Variants in PILRA observed in about 807,000 individuals in gnomAD.
PILRA encodes the protein paired immunoglobulin-like type 2 receptor alpha.
A neutral mutation model predicts 33.1 loss-of-function variants in PILRA; 37 were observed. The ratio of observed to expected loss-of-function variants is 1.12; its 90% CI spans 0.86 to 1.47. PILRA has a LOEUF of 1.47. PILRA is among the 40% of genes most tolerant of loss of function. The pLI is 0.00. For synonymous variants in PILRA, 146 were observed against 149.9 expected (o/e 0.97, Z 0.19); for missense variants, 312 against 376.2 (o/e 0.83, Z 1.41).
At chr7:100,390,398 A>T (rs924359441) in intron 3 of PILRA, among the ~76,000 whole-genome samples, 3 of 151,916 alleles carry the variant, frequency 2.0e-5, no homozygotes, top group Admixed American at 1.3e-4. Context: ...TGGGGAGGAG[A>T]GGGGAGGGTC....
chr7:100,372,887 G>A (rs1000274849), upstream of PILRA, among the ~76,000 whole-genome samples: 2 of 152,012 alleles, frequency 1.3e-5, no homozygotes, highest in East Asian at 3.9e-4. Flanking sequence ...GACGTCAGAG[G>A]GGAGCCTGCA....
chr7:100,372,893 C>T (rs571384788), upstream of PILRA, among the ~76,000 whole-genome samples: 4 of 151,948 alleles, frequency 2.6e-5, no homozygotes, highest in Non-Finnish European at 5.9e-5. Flanking sequence ...AGAGGGGAGC[C>T]TGCAGACCCA....
chr7:100,384,690 A>G (rs1791217475), intron 2 of PILRA, among the ~76,000 whole-genome samples: 1 of 152,084 alleles, frequency 6.6e-6, no homozygotes, highest in African/African-American at 2.4e-5. Context: ...CAGGAGGGTG[A>G]GGTGGGAAGA....
intron 2 of PILRA, among the ~76,000 whole-genome samples, chr7:100,384,702 C>T (rs1035340326): frequency 1.3e-5 from 2 of 152,074 alleles, no homozygotes; most frequent in African/African-American, 2.4e-5. Flanking sequence ...GTGGGAAGAT[C>T]GCTTGAGCCC....
chr7:100,394,877 AG>A (rs1000569901), intron 3 of PILRA, among the ~76,000 whole-genome samples: 1 of 152,172 alleles, frequency 6.6e-6, no homozygotes, highest in African/African-American at 2.4e-5. Context: ...CCCAAACCAT[AG>A]GGAAAAAGCC....
chr7:100,399,410 C>T, intron 5 of PILRA, 70 bp downstream of exon 5: 2 of 1,434,932 alleles, frequency 1.4e-6, no homozygotes, highest in Non-Finnish European at 2.0e-6. Flanking sequence ...ATACCCCCTA[C>T]CTGGGTCCGT....
At chr7:100,386,795 C>G (rs1480521294) in intron 2 of PILRA, among the ~76,000 whole-genome samples, 1 of 150,912 alleles carries the variant, frequency 6.6e-6, no homozygotes, top group African/African-American at 2.4e-5. Flanking sequence ...TCCAAAAGTG[C>G]TGAGATTACA....
At chr7:100,386,114 A>G (rs940819217) in intron 2 of PILRA, among the ~76,000 whole-genome samples, 2 of 150,640 alleles carry the variant, frequency 1.3e-5, no homozygotes, top group African/African-American at 4.9e-5. Flanking sequence ...AGTTTCACCA[A>G]GTTGGCCAGG....
At chr7:100,384,152 A>G (rs6945952) in intron 2 of PILRA, among the ~76,000 whole-genome samples, 25,760 of 151,842 alleles carry the variant, frequency 0.17, 2,327 homozygotes, top group Non-Finnish European at 0.19. Flanking sequence ...GAGAGGGAGG[A>G]AAGGAAGGAT....
chr7:100,397,510 C>T (rs1310276072), intron 3 of PILRA, among the ~76,000 whole-genome samples: 1 of 150,898 alleles, frequency 6.6e-6, no homozygotes, highest in Non-Finnish European at 1.5e-5. Flanking sequence ...TCCCTGAGGA[C>T]CTGGAGGGAA....
chr7:100,377,889 C>G (rs1203994311), intron 2 of PILRA, among the ~76,000 whole-genome samples: 1 of 152,116 alleles, frequency 6.6e-6, no homozygotes, highest in Non-Finnish European at 1.5e-5. Flanking sequence ...TACATTAGGC[C>G]TGGTTTTAAA....
chr7:100,382,642 T>TA (rs1229573976), intron 2 of PILRA, among the ~76,000 whole-genome samples: 1 of 152,180 alleles, frequency 6.6e-6, no homozygotes, highest in Non-Finnish European at 1.5e-5. Context: ...GGTAAGGGAA[T>TA]AAAAGCAGGC....
At chr7:100,378,711 AG>A (rs1256922066) in intron 2 of PILRA, among the ~76,000 whole-genome samples, 1 of 151,864 alleles carries the variant, frequency 6.6e-6, no homozygotes, top group Non-Finnish European at 1.5e-5. Context: ...AGGAAAAAAA[AG>A]AAAAAAGATT....
chr7:100,384,241 T>C lies in PILRA; in HGVS notation c.455-5647T>C, dbSNP rs895271279. 4.0e-5 allele frequency among the ~76,000 whole-genome samples: 6 copies of C among 151,604 alleles called. No individual in the cohort carries two copies. In the South Asian group the frequency reaches 1.3e-3, roughly 32 times the overall value. ...AGTGGGGGAAACGGAAGAACGGGTTTAGGGGGAAATCAAGAACTCTGTTTT... is the reference window on the plus strand; with the variant it reads ...AGTGGGGGAAACGGAAGAACGGGTTCAGGGGGAAATCAAGAACTCTGTTTT... On this transcript the variant is annotated intron_variant, in intron 2 of 6. Transcript: ENST00000198536.
In PILRA at chr7:100,399,426, T is replaced by C. The variant is rs556732114; in HGVS notation, c.757+86T>C. ...TACCCCCTACCTGGGTCCGTGCCCC[T>C]GTCAGTATTTTCTTCTTTCCATTCC... On this transcript the variant is annotated intron_variant, in intron 5 of 6. Coordinates refer to ENST00000198536, the MANE Select transcript of PILRA (RefSeq NM_013439.3). 4 of 1,390,198 alleles carry C rather than the reference T, an allele frequency of 2.9e-6. No individual in the cohort carries two copies. The Admixed American group carries it at 5.1e-5, about 18-fold the overall frequency. The allele number at this position is 1,390,198 out of a possible 1,614,324, so 86.1% of individuals were successfully genotyped here.
intron 3 of PILRA, among the ~76,000 whole-genome samples, chr7:100,391,023 A>G (rs912043837): frequency 1.3e-5 from 2 of 151,880 alleles, no homozygotes; most frequent in Admixed American, 6.6e-5. Context: ...TAATAAAACC[A>G]AAGAGGTGAG....
chr7:100,378,310 C>T (rs1791000589), intron 2 of PILRA, among the ~76,000 whole-genome samples: 1 of 151,864 alleles, frequency 6.6e-6, no homozygotes, highest in Non-Finnish European at 1.5e-5. Context: ...TGTGATTTCG[C>T]AACTGCACTC....
intron 2 of PILRA, among the ~76,000 whole-genome samples, chr7:100,384,803 A>T (rs1791220682): frequency 6.6e-6 from 1 of 152,052 alleles, no homozygotes; most frequent in South Asian, 2.1e-4. Flanking sequence ...ACTGATATTT[A>T]ATGTCACACA....
At chr7:100,377,766 A>T (rs1790988942) in intron 2 of PILRA, among the ~76,000 whole-genome samples, 1 of 152,154 alleles carries the variant, frequency 6.6e-6, no homozygotes, top group Admixed American at 6.5e-5. Context: ...ATTTGTATGT[A>T]GTGATAATTT....
Sources: allele counts gnomAD v4.1 joint callset (sites outside exome capture counted in the v4.1 genomes callset), GRCh38; gene constraint gnomAD v4.1.1; transcripts MANE v1.5; gene names NCBI Gene and HGNC (gene_info 2026-07-23, HGNC 2026-07-21).